Variants in IGSF11 observed in about 807,000 individuals in gnomAD.
IGSF11 encodes immunoglobulin superfamily member 11.
In IGSF11, 22 loss-of-function variants were observed where a neutral mutation model predicts 41.0. The observed-to-expected ratio is 0.54, with a 90% CI of 0.38 to 0.77. IGSF11 has a LOEUF of 0.77. Among genes scored for constraint, IGSF11 ranks in the 30% least tolerant of loss-of-function variants. IGSF11 has a pLI of 0.00. For missense variants in IGSF11, 444 were observed against 530.8 expected (o/e 0.84, Z 1.61); for synonymous variants, 219 against 201.3 (o/e 1.09, Z -0.74).
At chr3:118,952,398 T>C (rs1040899529) in intron 1 of IGSF11, among the ~76,000 whole-genome samples, 1 of 152,186 alleles carries the variant, frequency 6.6e-6, no homozygotes, top group African/African-American at 2.4e-5. Flanking sequence ...TCTTTCAAAA[T>C]TGGAGTCAAT....
intron 1 of IGSF11, among the ~76,000 whole-genome samples, chr3:119,003,175 A>T (rs565677742): frequency 0.014 from 1,990 of 145,122 alleles, 48 homozygotes; most frequent in African/African-American, 0.051. Flanking sequence ...GTTCTCCTCA[A>T]AGAGGTCCTT....
chr3:119,104,336 C>G (rs914864587), intron 1 of IGSF11, among the ~76,000 whole-genome samples: 1 of 152,144 alleles, frequency 6.6e-6, no homozygotes, highest in African/African-American at 2.4e-5. Context: ...TACAACATAT[C>G]GAATTTCTTT....
At chr3:118,998,871 CAA>C (rs1576594641) in intron 1 of IGSF11, among the ~76,000 whole-genome samples, 1 of 151,930 alleles carries the variant, frequency 6.6e-6, no homozygotes, top group Non-Finnish European at 1.5e-5. Flanking sequence ...ACAGTATGTA[CAA>C]AGTTATTCAT....
chr3:119,005,172 G>A (rs1267333081), intron 1 of IGSF11, among the ~76,000 whole-genome samples: 9 of 145,046 alleles, frequency 6.2e-5, no homozygotes, highest in Admixed American at 6.1e-4. Context: ...ATATGTTTAG[G>A]ATAGTTAGCT....
At chr3:118,928,467 G>T in intron 3 of IGSF11, 42 bp downstream of exon 3, 1 of 1,510,712 alleles carries the variant, frequency 6.6e-7, no homozygotes, top group Non-Finnish European at 9.2e-7. Context: ...GAGTAGCTTC[G>T]TGAGTAAAGC....
chr3:118,941,453 T>C (rs866466707), intron 1 of IGSF11, among the ~76,000 whole-genome samples: 19 of 152,166 alleles, frequency 1.2e-4, no homozygotes, highest in African/African-American at 4.6e-4. Context: ...GAATATATTA[T>C]ATTAACACGA....
At chr3:119,111,780 T>C (rs977394258) in intron 1 of IGSF11, among the ~76,000 whole-genome samples, 7 of 152,142 alleles carry the variant, frequency 4.6e-5, no homozygotes, top group South Asian at 2.1e-4. Flanking sequence ...GTGTGGATGT[T>C]CTTTCTGTTT....
intron 1 of IGSF11, among the ~76,000 whole-genome samples, chr3:119,083,547 CACACACAT>C (rs199986395): frequency 1.5e-4 from 22 of 150,010 alleles, no homozygotes; most frequent in Middle Eastern, 3.4e-3. Flanking sequence ...AACACACACA[CACACACAT>C]AGAGTCATGT....
chr3:119,048,793 T>C (rs1184200500), intron 1 of IGSF11, among the ~76,000 whole-genome samples: 1 of 151,998 alleles, frequency 6.6e-6, no homozygotes, highest in Non-Finnish European at 1.5e-5. Context: ...AAAAAGCTTA[T>C]CCACCATGAT....
chr3:118,985,779 TATC>T (rs1340451660), intron 1 of IGSF11, among the ~76,000 whole-genome samples: 2 of 152,172 alleles, frequency 1.3e-5, no homozygotes, highest in African/African-American at 4.8e-5. Context: ...TTTAGCCCCT[TATC>T]ATCTCTCCTC....
At chr3:119,059,138 A>T (rs1011515600) in intron 1 of IGSF11, among the ~76,000 whole-genome samples, 14 of 145,160 alleles carry the variant, frequency 9.6e-5, no homozygotes, top group South Asian at 2.2e-4. Context: ...AATAAAATTT[A>T]AAAAAAGAAA....
chr3:119,142,147 C>G (rs998015883), intron 1 of IGSF11, among the ~76,000 whole-genome samples: 1 of 151,770 alleles, frequency 6.6e-6, no homozygotes, highest in Admixed American at 6.6e-5. Flanking sequence ...TGGTGGCGGG[C>G]ACCTGTAGTC....
chr3:118,945,256 T>C (rs991881870), intron 1 of IGSF11, among the ~76,000 whole-genome samples: 6 of 152,212 alleles, frequency 3.9e-5, no homozygotes, highest in African/African-American at 1.2e-4. Flanking sequence ...CCTAGTCATA[T>C]AATCGTCCCA....
In IGSF11 at chr3:118,907,807, T is replaced by C. The variant is rs75463196; in HGVS notation, c.581-2089A>G. On this transcript the variant is annotated intron_variant, in intron 4 of 6. Transcript: ENST00000393775. Reference sequence around the variant, plus strand: ...GAGGTTTGTCCAAGTCCAAAGCTTATACTCACCATACATACACTTGGCACT... The same window carrying C: ...GAGGTTTGTCCAAGTCCAAAGCTTACACTCACCATACATACACTTGGCACT... 9.2e-3 allele frequency among the ~76,000 whole-genome samples: 1,406 copies of C among 152,324 alleles called. 11 individuals are homozygous for C. The highest frequency in any genetic ancestry group is 0.026 in the South Asian group (125 of 4,832).
chr3:118,927,150 A>G (rs1280135146), intron 3 of IGSF11, among the ~76,000 whole-genome samples: 1 of 152,180 alleles, frequency 6.6e-6, no homozygotes, highest in Non-Finnish European at 1.5e-5. Context: ...AAGAGTAAAA[A>G]TCTTAGAGAA....
intron 1 of IGSF11, among the ~76,000 whole-genome samples, chr3:119,110,895 C>T (rs1211410738): frequency 6.6e-6 from 1 of 151,682 alleles, no homozygotes; most frequent in South Asian, 2.1e-4. Context: ...AAATTCTTTT[C>T]TTTAAGAATG....
intron 4 of IGSF11, among the ~76,000 whole-genome samples, chr3:118,910,398 T>C (rs1462045989): frequency 6.6e-6 from 1 of 152,190 alleles, no homozygotes; most frequent in African/African-American, 2.4e-5. Flanking sequence ...TCGAGCCCCA[T>C]ATATTGTAAT....
At chr3:119,136,303 A>T (rs1289163448) in intron 1 of IGSF11, among the ~76,000 whole-genome samples, 1 of 152,180 alleles carries the variant, frequency 6.6e-6, no homozygotes, top group Non-Finnish European at 1.5e-5. Context: ...AACAGCAGGA[A>T]TCAGTTCTTG....
rs998477193 is a variant in IGSF11, at chr3:119,014,593, T to C, written c.52+19938A>G. Among the ~76,000 whole-genome samples the C allele has an allele frequency of 7.9e-5, 12 of 152,352 alleles. 1 individual carries two copies. In the South Asian group the frequency reaches 1.4e-3, roughly 18 times the overall value. ...AAAAAGTAACTGAAATATTGCTTAG[T>C]TTTATTATTTCACTCATGTTATTGG... On this transcript the variant is annotated intron_variant, in intron 1 of 6. Transcript: ENST00000393775.
Sources: allele counts gnomAD v4.1 joint callset (sites outside exome capture counted in the v4.1 genomes callset), GRCh38; gene constraint gnomAD v4.1.1; transcripts MANE v1.5; gene names NCBI Gene and HGNC (gene_info 2026-07-23, HGNC 2026-07-21).